Variants in NLGN1 observed in about 807,000 individuals in gnomAD.
NLGN1 encodes neuroligin-1.
A neutral mutation model predicts 65.5 loss-of-function variants in NLGN1; 12 were observed. The ratio of observed to expected loss-of-function variants is 0.18; its 90% CI spans 0.12 to 0.30. The LOEUF is 0.30. Ranked by LOEUF, NLGN1 falls within the 10% of genes least tolerant of loss-of-function variation. The probability of loss-of-function intolerance (pLI) is 1.00; values close to 1 mark genes in which losing one functional copy is unlikely to be tolerated. For missense variants in NLGN1, 750 were observed against 1,007.1 expected, an observed-to-expected ratio of 0.74 and a Z score of 3.46; for synonymous variants, 350 against 359.5, an observed-to-expected ratio of 0.97 and a Z score of 0.30.
At chr3:173,690,366 A>T (rs373389244) in intron 3 of NLGN1, among the ~76,000 whole-genome samples, 1 of 152,062 alleles carries the variant, frequency 6.6e-6, no homozygotes, top group Non-Finnish European at 1.5e-5. Context: ...TATAATTTTT[A>T]TTCCTGCCTA....
intron 4 of NLGN1, among the ~76,000 whole-genome samples, chr3:174,026,491 G>C (rs1285625027): frequency 6.6e-6 from 1 of 151,938 alleles, no homozygotes; most frequent in Non-Finnish European, 1.5e-5. Context: ...TCTTAAAAAT[G>C]ATGAGTGAAA....
downstream of NLGN1, among the ~76,000 whole-genome samples, chr3:174,288,950 T>C (rs1317105226): frequency 6.6e-6 from 1 of 151,508 alleles, no homozygotes; most frequent in African/African-American, 2.4e-5. Context: ...TTGAGTTTTA[T>C]TGTATGTTCA....
chr3:174,066,888 A>G (rs975010935), intron 4 of NLGN1, among the ~76,000 whole-genome samples: 12 of 152,052 alleles, frequency 7.9e-5, no homozygotes, highest in African/African-American at 2.9e-4. Context: ...ATGTAATAGT[A>G]AGTTCTTCAA....
chr3:173,455,528 T>C (rs1722361134), intron 2 of NLGN1, among the ~76,000 whole-genome samples: 1 of 152,126 alleles, frequency 6.6e-6, no homozygotes, highest in Admixed American at 6.5e-5. Flanking sequence ...ACATTTTAAA[T>C]ATTTTGAGAA....
At chr3:173,924,338 A>G (rs1024605531) in intron 4 of NLGN1, among the ~76,000 whole-genome samples, 1 of 152,128 alleles carries the variant, frequency 6.6e-6, no homozygotes, top group Non-Finnish European at 1.5e-5. Context: ...AATGTATTTC[A>G]TTAAAATACA....
chr3:173,998,146 T>C (rs772499917), intron 4 of NLGN1, among the ~76,000 whole-genome samples: 1 of 152,182 alleles, frequency 6.6e-6, no homozygotes, highest in African/African-American at 2.4e-5. Flanking sequence ...TACATAGCTC[T>C]TCGTGTGTTA....
chr3:174,292,865 C>T, the NLGN1 span, among the ~76,000 whole-genome samples: 8 of 151,280 alleles, frequency 5.3e-5, no homozygotes, highest in Non-Finnish European at 8.9e-5. Flanking sequence ...CAAAACCAAA[C>T]CTGTGTATGA....
intron 4 of NLGN1, among the ~76,000 whole-genome samples, chr3:173,942,251 T>C (rs986624732): frequency 6.6e-6 from 1 of 152,070 alleles, no homozygotes; most frequent in Admixed American, 6.6e-5. Context: ...CTTATAATAA[T>C]TGCTGTACTG....
At chr3:174,171,958 A>G (rs964967016) in intron 4 of NLGN1, among the ~76,000 whole-genome samples, 2 of 152,052 alleles carry the variant, frequency 1.3e-5, no homozygotes, top group East Asian at 3.9e-4. Context: ...AATCATTTCA[A>G]TATTTACTTA....
intron 4 of NLGN1, among the ~76,000 whole-genome samples, chr3:173,923,428 A>G (rs1167781863): frequency 2.0e-5 from 3 of 152,170 alleles, no homozygotes; most frequent in Non-Finnish European, 4.4e-5. Context: ...TGCCTGCCAC[A>G]GAGAGCTATT....
intron 1 of NLGN1, among the ~76,000 whole-genome samples, chr3:173,403,329 T>A (rs989554027): frequency 2.6e-5 from 4 of 152,176 alleles, no homozygotes; most frequent in Admixed American, 6.5e-5. Flanking sequence ...AAACTATAGT[T>A]AAATCAGAGG....
intron 4 of NLGN1, among the ~76,000 whole-genome samples, chr3:174,270,613 G>A (rs1276226277): frequency 6.6e-6 from 1 of 151,820 alleles, no homozygotes; most frequent in East Asian, 1.9e-4. Context: ...AGTAGTGACA[G>A]ATAGAAGGGA....
intron 2 of NLGN1, among the ~76,000 whole-genome samples, chr3:173,441,539 G>A (rs1007478368): frequency 6.6e-5 from 10 of 152,128 alleles, no homozygotes; most frequent in Admixed American, 3.3e-4. Context: ...GTAATAGGGA[G>A]GCAGGAGGAG....
intron 4 of NLGN1, among the ~76,000 whole-genome samples, chr3:174,209,209 C>A (rs1052153431): frequency 6.6e-6 from 1 of 152,186 alleles, no homozygotes; most frequent in South Asian, 2.1e-4. Context: ...CAAGTGTGAA[C>A]CACCGTGCCC....
At chr3:173,652,095 C>G (rs889517091) in intron 3 of NLGN1, among the ~76,000 whole-genome samples, 2 of 152,094 alleles carry the variant, frequency 1.3e-5, no homozygotes, top group African/African-American at 4.8e-5. Flanking sequence ...TGCCCGGCCC[C>G]TTTGCCCACT....
intron 3 of NLGN1, among the ~76,000 whole-genome samples, chr3:173,666,892 TCATTATCCTAACTCACATAA>T (rs761043164): frequency 6.6e-6 from 1 of 152,130 alleles, no homozygotes; most frequent in Non-Finnish European, 1.5e-5. Context: ...AACAGAACAC[TCATTATCCTAACTCACATAA>T]AAAGAAAATG....
At chr3:173,631,938 T>C (rs1010411141) in intron 3 of NLGN1, among the ~76,000 whole-genome samples, 1 of 152,150 alleles carries the variant, frequency 6.6e-6, no homozygotes, top group African/African-American at 2.4e-5. Flanking sequence ...TTTTCTTTTT[T>C]CTTAAGCCTA....
chr3:173,995,088 G>T (rs1017761626), intron 4 of NLGN1, among the ~76,000 whole-genome samples: 4 of 152,134 alleles, frequency 2.6e-5, no homozygotes, highest in African/African-American at 9.7e-5. Context: ...AAATTATCCA[G>T]CCTGCTAGCC....
At chr3:173,842,848 C>T (rs914384408) in intron 4 of NLGN1, among the ~76,000 whole-genome samples, 13 of 152,266 alleles carry the variant, frequency 8.5e-5, no homozygotes, top group East Asian at 1.9e-4. Context: ...GGATGGTGGC[C>T]GCCTTCTCAC....
Sources: gnomAD v4.1 joint callset for allele counts (sites outside exome capture counted in the v4.1 genomes callset) on GRCh38, gnomAD v4.1.1 for gene constraint, MANE v1.5 for transcripts, NCBI Gene and HGNC (gene_info 2026-07-23, HGNC 2026-07-21) for gene names.